Variants in GRIN2B observed in about 807,000 individuals in gnomAD.
GRIN2B encodes glutamate ionotropic receptor NMDA type subunit 2B.
In GRIN2B, 5 loss-of-function variants were observed where a neutral mutation model predicts 114.5. That is an observed-to-expected ratio of 0.04 (90% CI 0.02 to 0.09). The LOEUF (loss-of-function observed/expected upper bound fraction) is 0.09, where lower values mean the gene tolerates loss of function less well. GRIN2B is among the 10% of genes least tolerant of loss of function. The pLI, the probability that GRIN2B is intolerant of heterozygous loss-of-function variation, is 1.00. For synonymous variants in GRIN2B, 787 were observed against 745.1 expected (o/e 1.06, Z -0.92); for missense variants, 1,108 against 1,943.5 (o/e 0.57, Z 8.08).
At chr12:13,738,092 G>A (rs1341822056) in intron 4 of GRIN2B, among the ~76,000 whole-genome samples, 2 of 152,188 alleles carry the variant, frequency 1.3e-5, no homozygotes, top group African/African-American at 4.8e-5. Flanking sequence ...GCCTCCAGGA[G>A]AAACACTGTA....
At position 13,607,374 on chromosome 12, in the gene GRIN2B, T is replaced by TAAAA. The variant is rs1565473756; in HGVS notation, c.2010+1228_2010+1229insTTTT. Among the ~76,000 whole-genome samples the TAAAA allele has an allele frequency of 3.5e-3, 136 of 38,730 alleles. 4 individuals carry two copies. Among genetic ancestry groups the TAAAA allele is most frequent in the African/African-American group, 0.011 (116 of 10,406 alleles). The allele number at this position is 38,730 out of a possible 152,430, so 25.4% of individuals were successfully genotyped here. A position where few individuals can be genotyped will look rare whatever the true frequency, so the allele number is the denominator to read the frequency against. ...TAAAATATATAATATATATTATATA[T>TAAAA]TATATATATAATATATATTATATAT... On this transcript the variant is annotated intron_variant, in intron 10 of 13. Coordinates refer to ENST00000609686, the MANE Select transcript of GRIN2B (RefSeq NM_000834.5).
chr12:13,963,302 G>T (rs367789458), intron 2 of GRIN2B, among the ~76,000 whole-genome samples: 3 of 152,050 alleles, frequency 2.0e-5, no homozygotes, highest in African/African-American at 7.2e-5. Context: ...CTAGGCACTC[G>T]GTTTCATACA....
rs75278810 is a variant in GRIN2B, at chr12:13,957,752, G to A, written c.-19+22176C>T. 5.7e-3 allele frequency among the ~76,000 whole-genome samples: 867 copies of A among 152,296 alleles called. 11 individuals carry two copies. Among genetic ancestry groups the A allele is most frequent in the African/African-American group, 0.02 (823 of 41,562 alleles). ...CTCCCTCATCTCTCTTGCCTCCCTT[G>A]ATGACGATGCAGGCTCTGCGGAGGC... On this transcript the variant is annotated intron_variant, in intron 2 of 13. Transcript: ENST00000609686.
intron 4 of GRIN2B, among the ~76,000 whole-genome samples, chr12:13,703,291 C>A (rs1168744792): frequency 6.6e-6 from 1 of 152,126 alleles, no homozygotes; most frequent in African/African-American, 2.4e-5. Context: ...TAATGAGAGA[C>A]CTCTTGCTGA....
At chr12:13,916,063 G>A (rs1866713786) in intron 2 of GRIN2B, among the ~76,000 whole-genome samples, 1 of 152,046 alleles carries the variant, frequency 6.6e-6, no homozygotes, top group Admixed American at 6.6e-5. Flanking sequence ...TAGAGCTGTG[G>A]GGCACCTAAG....
intron 2 of GRIN2B, among the ~76,000 whole-genome samples, chr12:13,876,677 T>A (rs1865995323): frequency 1.3e-5 from 2 of 152,160 alleles, no homozygotes; most frequent in African/African-American, 4.8e-5. Context: ...CACGTCAGAT[T>A]TGGAATCAAT....
chr12:13,815,911 T>C (rs1385096720), intron 3 of GRIN2B, among the ~76,000 whole-genome samples: 2 of 152,196 alleles, frequency 1.3e-5, no homozygotes, highest in African/African-American at 2.4e-5. Flanking sequence ...GTGATAACTG[T>C]AAGTGTAAAG....
rs1303861241 is a variant in GRIN2B, at chr12:13,554,500, G to T, written c.*8283C>A. ...GTGGGAAAACAAGCTGGTAGGGAAAGGTGAAACAAATGTTATTCAGCTTGT... is the reference window on the plus strand; with the variant it reads ...GTGGGAAAACAAGCTGGTAGGGAAATGTGAAACAAATGTTATTCAGCTTGT... On this transcript the variant is annotated 3_prime_UTR_variant, in exon 14 of 14. Transcript: ENST00000609686. The T allele has an allele frequency of 1.3e-5, 2 of 152,104 alleles. No individual in the cohort carries two copies. Among genetic ancestry groups the T allele is most frequent in the East Asian group, 3.9e-4 (2 of 5,184 alleles). 9.4% of individuals were successfully genotyped at this position (152,104 alleles called of 1,614,324 possible).
At chr12:13,897,608 A>G in intron 2 of GRIN2B, among the ~76,000 whole-genome samples, 1 of 152,148 alleles carries the variant, frequency 6.6e-6, no homozygotes, top group East Asian at 1.9e-4. Flanking sequence ...TAGCTATGAG[A>G]TCTCAGGCAG....
At chr12:13,811,737 T>C (rs1275065813) in intron 3 of GRIN2B, among the ~76,000 whole-genome samples, 3 of 152,208 alleles carry the variant, frequency 2.0e-5, no homozygotes, top group Non-Finnish European at 4.4e-5. Flanking sequence ...AGGCTTAATA[T>C]ATGAAGCTGT....
At chr12:13,566,192 A>G (rs1273204941) in intron 13 of GRIN2B, among the ~76,000 whole-genome samples, 7 of 152,214 alleles carry the variant, frequency 4.6e-5, no homozygotes, top group Non-Finnish European at 1.5e-5. Flanking sequence ...TGATGAAAAG[A>G]TGAAATAATT....
intron 3 of GRIN2B, among the ~76,000 whole-genome samples, chr12:13,839,482 C>T (rs1448978022): frequency 6.6e-6 from 1 of 152,186 alleles, no homozygotes; most frequent in African/African-American, 2.4e-5. Context: ...TCCCTCTAGC[C>T]AGAATATGAA....
intron 2 of GRIN2B, among the ~76,000 whole-genome samples, chr12:13,957,528 C>G (rs988527010): frequency 6.6e-6 from 1 of 152,106 alleles, no homozygotes; most frequent in Non-Finnish European, 1.5e-5. Context: ...TATATTAGAG[C>G]CCCCTCCACC....
intron 5 of GRIN2B, among the ~76,000 whole-genome samples, chr12:13,653,958 T>G (rs1591660409): frequency 6.6e-6 from 1 of 152,316 alleles, no homozygotes; most frequent in East Asian, 1.9e-4. Flanking sequence ...GTCTTAGGAC[T>G]AAGTATCTGA....
At chr12:13,573,337 G>C (rs1948730653) in intron 10 of GRIN2B, among the ~76,000 whole-genome samples, 1 of 148,834 alleles carries the variant, frequency 6.7e-6, no homozygotes, top group South Asian at 2.1e-4. Context: ...TGTAGTCCCA[G>C]CTACTCCGGA....
intron 2 of GRIN2B, among the ~76,000 whole-genome samples, chr12:13,962,055 C>CATTTGTATTCATTTGT (rs1408564929): frequency 6.7e-6 from 1 of 150,304 alleles, no homozygotes; most frequent in African/African-American, 2.5e-5. Context: ...AATGGTTTTT[C>CATTTGTATTCATTTGT]ATTTGTATTC....
intron 5 of GRIN2B, among the ~76,000 whole-genome samples, chr12:13,625,387 C>T (rs1591648051): frequency 6.6e-6 from 1 of 152,138 alleles, no homozygotes; most frequent in Non-Finnish European, 1.5e-5. Flanking sequence ...AAGTGGCGAC[C>T]GAAGTTCACA....
intron 3 of GRIN2B, among the ~76,000 whole-genome samples, chr12:13,814,907 G>T (rs191187408): frequency 3.3e-5 from 5 of 152,060 alleles, no homozygotes; most frequent in Non-Finnish European, 7.4e-5. Context: ...AGTTCTTCTT[G>T]TCTATGAATG....
chr12:13,882,065 C>T (rs1235359125), intron 2 of GRIN2B, among the ~76,000 whole-genome samples: 1 of 152,176 alleles, frequency 6.6e-6, no homozygotes, highest in East Asian at 1.9e-4. Flanking sequence ...GTCACCTCAC[C>T]GCAGAGTCAA....
Sources: allele counts gnomAD v4.1 joint callset (sites outside exome capture counted in the v4.1 genomes callset), GRCh38; gene constraint gnomAD v4.1.1; transcripts MANE v1.5; gene names NCBI Gene and HGNC (gene_info 2026-07-23, HGNC 2026-07-21).